M1AP: variants seen among roughly 807,000 people sequenced by gnomAD.
M1AP encodes meiosis 1 arrest protein.
In M1AP, 39 loss-of-function variants were observed where a neutral mutation model predicts 51.2. That is an observed-to-expected ratio of 0.76 (90% CI 0.59 to 1.00). M1AP has a LOEUF of 1.00. M1AP is among the 50% of genes least tolerant of loss of function. The pLI is 0.00. For synonymous variants in M1AP, 251 were observed against 249.2 expected (o/e 1.01, Z -0.07); for missense variants, 545 against 641.2 (o/e 0.85, Z 1.62).
rs1679408798 is a variant in M1AP at position 74,581,626 on chromosome 2, C to T, written c.769+48G>A. On this transcript the variant is annotated intron_variant, in intron 5 of 10. Coordinates refer to ENST00000421985, the MANE Select transcript of M1AP (RefSeq NM_001321739.2). ...CTCACCACCAATCTAGAGTCCTGAT[C>T]CCAGATAAGAATAATCATAGCCTAA... 5.7e-6 allele frequency: 9 copies of T among 1,572,104 alleles called. No individual in the cohort carries two copies. The South Asian group carries it at 1.0e-4, about 18-fold the overall frequency.
intron 2 of M1AP, chr2:74,628,655 A>C (rs147344629): frequency 2.8e-6 from 2 of 705,752 alleles, no homozygotes; most frequent in African/African-American, 3.6e-5. Context: ...CATCTTCATC[A>C]ATGTGACTCC....
At chr2:74,574,500 C>T (rs1678935656) in intron 7 of M1AP, among the ~76,000 whole-genome samples, 1 of 152,196 alleles carries the variant, frequency 6.6e-6, no homozygotes, top group Admixed American at 6.5e-5. Flanking sequence ...TAGTTCAAAC[C>T]ACCACGGTCT....
At chr2:74,614,859 A>G (rs1258374574) in intron 3 of M1AP, 105 bp downstream of exon 3, 4 of 1,063,400 alleles carry the variant, frequency 3.8e-6, no homozygotes, top group Admixed American at 2.0e-5. Context: ...TGAATATTAC[A>G]TCTAGAGTGA....
At chr2:74,589,441 G>C (rs193209403) in intron 4 of M1AP, among the ~76,000 whole-genome samples, 7 of 152,200 alleles carry the variant, frequency 4.6e-5, no homozygotes, top group African/African-American at 7.2e-5. Context: ...GTGCAAGAGT[G>C]GGGCAGAGTA....
In M1AP at chr2:74,562,329, G is replaced by A. The variant is rs762405845; in HGVS notation, c.1169C>T (p.Ser390Leu). The A allele has an allele frequency of 2.5e-6, 4 of 1,614,256 alleles. No homozygotes were observed. The highest frequency in any genetic ancestry group is 3.4e-6 in the Non-Finnish European group (4 of 1,180,036). The part of the protein sequence containing the change: ...PASTFYVIMP[S>L]HSLTLLVKAV... ...CTTTACCAGCAGTGTGAGGGAGTGT[G>A]ACGGCATGATCACATAGAAGGTGCT... is the stretch of plus-strand genomic sequence containing the variant. Residue 390 changes from serine (S) to leucine (L), a missense_variant, in exon 8 of 11, where the codon TCA becomes TTA. Physicochemically the swap from Ser to Leu is moderately radical, Grantham distance 145 (BLOSUM62 -2). Coordinates refer to ENST00000421985, the MANE Select transcript of M1AP (RefSeq NM_001321739.2).
chr2:74,576,685 A>G, intron 5 of M1AP, 67 bp from the exon 6 acceptor site: 3 of 1,550,656 alleles, frequency 1.9e-6, no homozygotes, highest in Non-Finnish European at 2.7e-6. Flanking sequence ...GTAATAAGTT[A>G]CCTTAGGCTA....
intron 1 of M1AP, among the ~76,000 whole-genome samples, chr2:74,640,968 C>T (rs982316436): frequency 6.6e-6 from 1 of 152,228 alleles, no homozygotes; most frequent in East Asian, 1.9e-4. Flanking sequence ...GACTGCCTCT[C>T]CCACTATATT....
At chr2:74,645,785 C>T (rs945835316) in intron 1 of M1AP, among the ~76,000 whole-genome samples, 1 of 152,204 alleles carries the variant, frequency 6.6e-6, no homozygotes, top group East Asian at 1.9e-4. Flanking sequence ...TCTGCTGCTG[C>T]TGTACACTGC....
At chr2:74,638,458 A>T (rs897654758) in intron 2 of M1AP, among the ~76,000 whole-genome samples, 2 of 152,134 alleles carry the variant, frequency 1.3e-5, no homozygotes. Context: ...GCTTGCTGTT[A>T]TTCTATCTAG....
rs564920641 is a variant in M1AP at position 74,611,819 on chromosome 2, C to A, written c.426+3145G>T. ...TGCACTCCAGCCTGGGCAACAAGAG[C>A]AAAACTCCATCTCAAAACAAACAAA... is the stretch of plus-strand genomic sequence containing the variant. On this transcript the variant is annotated intron_variant, in intron 3 of 10. Coordinates refer to ENST00000421985, the MANE Select transcript of M1AP (RefSeq NM_001321739.2). Among the ~76,000 whole-genome samples the A allele has an allele frequency of 1.1e-4, 13 of 122,826 alleles. No individual in the cohort carries two copies. The East Asian group carries it at 3.3e-3, about 31-fold the overall frequency. 80.6% of individuals were successfully genotyped at this position (122,826 alleles called of 152,430 possible).
chr2:74,632,733 G>A (rs970737741), intron 2 of M1AP, among the ~76,000 whole-genome samples: 2 of 152,102 alleles, frequency 1.3e-5, no homozygotes, highest in African/African-American at 4.8e-5. Context: ...TTTTATTTGA[G>A]GCTTGATGTC....
chr2:74,580,755 G>A (rs1679356136), intron 5 of M1AP, among the ~76,000 whole-genome samples: 1 of 152,176 alleles, frequency 6.6e-6, no homozygotes, highest in African/African-American at 2.4e-5. Context: ...TAAACGTCAT[G>A]TTCAATCCAT....
chr2:74,605,672 G>A (rs1409775197), intron 4 of M1AP, among the ~76,000 whole-genome samples: 2 of 152,014 alleles, frequency 1.3e-5, no homozygotes, highest in Non-Finnish European at 1.5e-5. Flanking sequence ...AGGCTGAGGC[G>A]GGCAGATCAC....
chr2:74,572,166 G>A (rs1030527560), intron 7 of M1AP, among the ~76,000 whole-genome samples: 7 of 152,160 alleles, frequency 4.6e-5, no homozygotes, highest in South Asian at 2.1e-4. Flanking sequence ...GTTCAACTCC[G>A]CTGAAGTACA....
At chr2:74,637,517 G>A (rs1339116662) in intron 2 of M1AP, among the ~76,000 whole-genome samples, 1 of 152,152 alleles carries the variant, frequency 6.6e-6, no homozygotes, top group Non-Finnish European at 1.5e-5. Context: ...TTACCTTGAT[G>A]GGTGCTACAT....
intron 5 of M1AP, among the ~76,000 whole-genome samples, chr2:74,579,983 T>C (rs1679306593): frequency 6.6e-6 from 1 of 152,086 alleles, no homozygotes; most frequent in Admixed American, 6.5e-5. Flanking sequence ...AATTTTTTAT[T>C]TTTATTTTTT....
Position 74,648,319 on chromosome 2 carries a change from G to T in M1AP, c.-107C>A, listed in dbSNP as rs1484433546. 6.1e-6 allele frequency: 6 copies of T among 985,428 alleles called. No individual in the cohort carries two copies. The highest frequency in any genetic ancestry group is 7.2e-6 in the Non-Finnish European group (6 of 830,046). The allele number at this position is 985,428 out of a possible 1,614,324, so 61.0% of individuals were successfully genotyped here. The stretch of plus-strand genomic sequence containing the variant: ...CTGGTCCTCCCGGCTCTCAGCGTGC[G>T]CCCGCGCGTTCGGAGGCGCCCCCCT... On this transcript the variant is annotated 5_prime_UTR_variant, in exon 1 of 11. Coordinates refer to ENST00000421985, the MANE Select transcript of M1AP (RefSeq NM_001321739.2).
chr2:74,630,223 C>G (rs1440434130), intron 2 of M1AP, among the ~76,000 whole-genome samples: 1 of 152,150 alleles, frequency 6.6e-6, no homozygotes, highest in Non-Finnish European at 1.5e-5. Context: ...AGGCATGAGC[C>G]ACCTCACCAG....
intron 1 of M1AP, among the ~76,000 whole-genome samples, chr2:74,642,720 T>G (rs915132243): frequency 2.0e-5 from 3 of 152,256 alleles, no homozygotes; most frequent in Non-Finnish European, 2.9e-5. Context: ...TTTGTAATTT[T>G]TCCCAAAAGA....
Sources: allele counts gnomAD v4.1 joint callset (sites outside exome capture counted in the v4.1 genomes callset), GRCh38; gene constraint gnomAD v4.1.1; transcripts MANE v1.5; gene names NCBI Gene and HGNC (gene_info 2026-07-23, HGNC 2026-07-21).